LNPEP: variants seen among roughly 807,000 people sequenced by gnomAD.
LNPEP encodes leucyl-cystinyl aminopeptidase.
Under a neutral mutation model 120.6 loss-of-function variants are expected in LNPEP, and 64 were observed. That is an observed-to-expected ratio of 0.53 (90% CI 0.43 to 0.65). LNPEP has a LOEUF of 0.65. Ranked by LOEUF, LNPEP falls within the 30% of genes least tolerant of loss-of-function variation. LNPEP has a pLI of 0.00. For missense variants in LNPEP, 1,057 were observed against 1,200.0 expected (o/e 0.88, Z 1.76); for synonymous variants, 435 against 425.4 (o/e 1.02, Z -0.28).
chr5:96,938,241 C>T (rs1455322460), intron 1 of LNPEP, among the ~76,000 whole-genome samples: 1 of 152,114 alleles, frequency 6.6e-6, no homozygotes, highest in Non-Finnish European at 1.5e-5. Flanking sequence ...GTATAATGCT[C>T]CCATTGGTCT....
chr5:96,936,171 A>G lies in LNPEP; in HGVS notation c.16A>G (p.Asn6Asp), dbSNP rs1177367373. 1 of 1,479,204 alleles carries G rather than the reference A, an allele frequency of 6.8e-7. No homozygotes were observed. Among genetic ancestry groups the G allele is most frequent in the Non-Finnish European group, 9.0e-7 (1 of 1,116,164 alleles). The allele number at this position is 1,479,204 out of a possible 1,614,324, so 91.6% of individuals were successfully genotyped here. A position where few individuals can be genotyped will look rare whatever the true frequency, so the allele number is the denominator to read the frequency against. MEPFT[N>D]DRLQLPRNMI... Reference sequence around the variant, plus strand: ...CGGGGGGAAAATGGAGCCCTTCACCAATGGTGAGTGGGCTGCCGAGGCGCC... The same window carrying G: ...CGGGGGGAAAATGGAGCCCTTCACCGATGGTGAGTGGGCTGCCGAGGCGCC... Residue 6 changes from asparagine (N) to aspartate (D), a missense_variant, in exon 1 of 18, where the codon AAT (asparagine) becomes GAT (aspartate). Asn to Asp is a conservative substitution (Grantham distance 23). Coordinates refer to ENST00000231368, the MANE Select transcript of LNPEP (RefSeq NM_005575.3).
rs2112680781 is a variant in LNPEP at position 97,030,746 on chromosome 5, ATCT to A, written c.*2215_*2217del. The A allele has an allele frequency of 6.6e-6, 1 of 151,502 alleles. No homozygotes were observed. Among genetic ancestry groups the A allele is most frequent in the South Asian group, 2.1e-4 (1 of 4,798 alleles). 9.4% of individuals were successfully genotyped at this position (151,502 alleles called of 1,614,324 possible). A position where few individuals can be genotyped will look rare whatever the true frequency, so the allele number is the denominator to read the frequency against. On this transcript the variant is annotated 3_prime_UTR_variant, in exon 18 of 18. Coordinates refer to ENST00000231368, the MANE Select transcript of LNPEP (RefSeq NM_005575.3). ...AAGAGATAACTCATGATCCATTGCTATCTTTATTACTCAAAGGCTGTTCATTCC... is the reference window on the plus strand; with the variant it reads ...AAGAGATAACTCATGATCCATTGCTATTATTACTCAAAGGCTGTTCATTCC...
rs1284258736 is a variant in LNPEP, at chr5:96,954,723, C to CAT, written c.19+18559_19+18560dup. Among the ~76,000 whole-genome samples the CAT allele has an allele frequency of 8.2e-5, 7 of 85,492 alleles. 1 individual carries two copies. Among genetic ancestry groups the CAT allele is most frequent in the Non-Finnish European group, 1.5e-4 (7 of 45,896 alleles). The allele number at this position is 85,492 out of a possible 152,430, so 56.1% of individuals were successfully genotyped here. On this transcript the variant is annotated intron_variant, in intron 1 of 17. Transcript: ENST00000231368. ...ATATACATATATACACATATATATA[C>CAT]ATATATATATACATATATATATACA...
intron 1 of LNPEP, among the ~76,000 whole-genome samples, chr5:96,968,458 GAATAT>G (rs1286298141): frequency 1.3e-5 from 2 of 152,020 alleles, no homozygotes; most frequent in African/African-American, 4.8e-5. Context: ...GGGGGAAAGT[GAATAT>G]AATAATATTT....
chr5:96,963,753 TATTA>T (rs1025509813), intron 1 of LNPEP, among the ~76,000 whole-genome samples: 1 of 152,158 alleles, frequency 6.6e-6, no homozygotes, highest in Non-Finnish European at 1.5e-5. Flanking sequence ...ATGTTTTGTT[TATTA>T]ATTTTTTAAA....
rs1169752480 is a variant in LNPEP, at chr5:97,031,948, A to C, written c.*3415A>C. 6.6e-6 allele frequency: 1 copy of C among 152,184 alleles called. No homozygotes were observed. The highest frequency in any genetic ancestry group is 1.5e-5 in the Non-Finnish European group (1 of 68,022). The allele number at this position is 152,184 out of a possible 1,614,324, so 9.4% of individuals were successfully genotyped here. On this transcript the variant is annotated 3_prime_UTR_variant, in exon 18 of 18. Coordinates refer to ENST00000231368, the MANE Select transcript of LNPEP (RefSeq NM_005575.3). Reference sequence around the variant, plus strand: ...TTGTTGGATTACTGACAGTTTGTTGAGATGGATTTTAAAAAGAGTCTATTT... The same window carrying C: ...TTGTTGGATTACTGACAGTTTGTTGCGATGGATTTTAAAAAGAGTCTATTT...
At chr5:96,968,449 G>A (rs1363481947) in intron 1 of LNPEP, among the ~76,000 whole-genome samples, 1 of 152,018 alleles carries the variant, frequency 6.6e-6, no homozygotes, top group Non-Finnish European at 1.5e-5. Context: ...CTTACCCTGG[G>A]GGGAAAGTGA....
chr5:97,025,977 T>G (rs1203427533), intron 15 of LNPEP, among the ~76,000 whole-genome samples: 1 of 152,178 alleles, frequency 6.6e-6, no homozygotes, highest in Non-Finnish European at 1.5e-5. Flanking sequence ...TATAAACAGA[T>G]AGTATAGCAT....
intron 1 of LNPEP, among the ~76,000 whole-genome samples, chr5:96,952,326 A>G (rs937319414): frequency 6.6e-6 from 1 of 152,218 alleles, no homozygotes; most frequent in Non-Finnish European, 1.5e-5. Flanking sequence ...CTGTACACTC[A>G]TGAGAGAAGT....
intron 1 of LNPEP, among the ~76,000 whole-genome samples, chr5:96,954,411 T>C (rs1455873530): frequency 6.6e-6 from 1 of 152,020 alleles, no homozygotes; most frequent in Admixed American, 6.6e-5. Flanking sequence ...GAAATACTTT[T>C]ATACAGAAGA....
chr5:97,019,750 C>A (rs1410892204), intron 13 of LNPEP, among the ~76,000 whole-genome samples: 1 of 151,932 alleles, frequency 6.6e-6, no homozygotes, highest in Non-Finnish European at 1.5e-5. Context: ...AATAAGATTT[C>A]AAGCATGTGA....
At chr5:97,010,119 G>T (rs750118313) in intron 11 of LNPEP, 3 of 216,252 alleles carry the variant, frequency 1.4e-5, no homozygotes, top group Non-Finnish European at 2.4e-5. Flanking sequence ...CACAAGAAAT[G>T]CTGATGGGGC....
At chr5:97,028,109 C>T (rs561408485) in intron 17 of LNPEP, among the ~76,000 whole-genome samples, 1 of 152,122 alleles carries the variant, frequency 6.6e-6, no homozygotes, top group African/African-American at 2.4e-5. Context: ...TAGCACCAAG[C>T]CTTTGGACTC....
chr5:96,947,086 C>G (rs1789202214), intron 1 of LNPEP, among the ~76,000 whole-genome samples: 1 of 152,068 alleles, frequency 6.6e-6, no homozygotes, highest in Admixed American at 6.5e-5. Context: ...AACTTTTTAT[C>G]TTTAGATCTT....
chr5:96,976,763 T>C (rs952746574), intron 1 of LNPEP, among the ~76,000 whole-genome samples: 1 of 151,856 alleles, frequency 6.6e-6, no homozygotes, highest in South Asian at 2.1e-4. Flanking sequence ...AAAAAAAAAT[T>C]AAGCTAGTCT....
At chr5:97,008,468 A>G (rs1013896152) in intron 11 of LNPEP, among the ~76,000 whole-genome samples, 1 of 146,796 alleles carries the variant, frequency 6.8e-6, no homozygotes, top group Non-Finnish European at 1.5e-5. Context: ...CTCCTGCCTC[A>G]GCCTGCCAAG....
At chr5:97,002,989 T>C (rs969848645) in intron 8 of LNPEP, among the ~76,000 whole-genome samples, 17 of 152,198 alleles carry the variant, frequency 1.1e-4, no homozygotes, top group African/African-American at 4.1e-4. Flanking sequence ...TTGAGAGCCT[T>C]GTCAATTTAT....
intron 1 of LNPEP, among the ~76,000 whole-genome samples, chr5:96,946,469 C>T (rs942079535): frequency 6.6e-6 from 1 of 152,134 alleles, no homozygotes; most frequent in Non-Finnish European, 1.5e-5. Context: ...TTGTTCCAGT[C>T]CAGTTGTTCA....
intron 1 of LNPEP, among the ~76,000 whole-genome samples, chr5:96,967,605 ATAC>A (rs1245447203): frequency 1.3e-5 from 2 of 152,064 alleles, no homozygotes; most frequent in Non-Finnish European, 2.9e-5. Context: ...AGTCACTGAA[ATAC>A]TACTAAGTCC....
Sources: gnomAD v4.1 joint callset for allele counts (sites outside exome capture counted in the v4.1 genomes callset) on GRCh38, gnomAD v4.1.1 for gene constraint, MANE v1.5 for transcripts, NCBI Gene and HGNC (gene_info 2026-07-23, HGNC 2026-07-21) for gene names.